The following SGCZ variants were observed in gnomAD, a reference collection of about 807,000 sequenced individuals.
SGCZ encodes the protein zeta-sarcoglycan.
SGCZ carries 40 observed loss-of-function variants against 41.3 expected under a neutral mutation model. The observed-to-expected ratio is 0.97, with a 90% CI of 0.75 to 1.26. The LOEUF is 1.26. SGCZ is among the 50% of genes most tolerant of loss of function. SGCZ has a pLI of 0.00. For missense variants in SGCZ, 552 were observed against 369.8 expected, an observed-to-expected ratio of 1.49 and a Z score of -4.04; for synonymous variants, 206 against 137.5, an observed-to-expected ratio of 1.50 and a Z score of -3.49.
intron 5 of SGCZ, among the ~76,000 whole-genome samples, chr8:14,135,932 T>A (rs532996711): frequency 6.6e-6 from 1 of 152,148 alleles, no homozygotes; most frequent in African/African-American, 2.4e-5. Context: ...ATTTTACATA[T>A]CTTACAAAAA....
At chr8:14,160,734 C>G (rs1255888395) in intron 5 of SGCZ, among the ~76,000 whole-genome samples, 1 of 152,112 alleles carries the variant, frequency 6.6e-6, no homozygotes, top group African/African-American at 2.4e-5. Flanking sequence ...TCTGTGTCCT[C>G]ACACCCATGA....
intron 1 of SGCZ, among the ~76,000 whole-genome samples, chr8:14,766,930 GCA>G (rs1800054947): frequency 6.6e-6 from 1 of 151,904 alleles, no homozygotes; most frequent in Non-Finnish European, 1.5e-5. Flanking sequence ...TAATATCAAA[GCA>G]AGATGTACAG....
chr8:15,108,556 A>G (rs1806923519), intron 1 of SGCZ, among the ~76,000 whole-genome samples: 1 of 152,210 alleles, frequency 6.6e-6, no homozygotes, highest in African/African-American at 2.4e-5. Flanking sequence ...TGGGTAAGAA[A>G]GGGTTTTCAA....
At chr8:14,726,780 T>C (rs1473922464) in intron 1 of SGCZ, among the ~76,000 whole-genome samples, 1 of 151,960 alleles carries the variant, frequency 6.6e-6, no homozygotes, top group African/African-American at 2.4e-5. Flanking sequence ...AATTCAGATA[T>C]AAACAATAAA....
At chr8:14,403,632 AATTT>A (rs1210575455) in intron 2 of SGCZ, among the ~76,000 whole-genome samples, 1 of 152,152 alleles carries the variant, frequency 6.6e-6, no homozygotes, top group Non-Finnish European at 1.5e-5. Context: ...CATCAATCAC[AATTT>A]ATTTATTTTA....
chr8:14,461,284 T>A (rs1800894976), intron 2 of SGCZ, among the ~76,000 whole-genome samples: 1 of 152,146 alleles, frequency 6.6e-6, no homozygotes, highest in South Asian at 2.1e-4. Context: ...CTGAAATGGC[T>A]TCTATTCAGA....
rs77244115 is a variant in SGCZ, at chr8:14,374,987, C to T, written c.235-50783G>A. On this transcript the variant is annotated intron_variant, in intron 2 of 7. Transcript: ENST00000382080. Reference sequence around the variant, plus strand: ...GATTATGTAAGGTTTCAGGTTTTGGCAATGGGACAAGTTCTAGGTATGACT... The same window carrying T: ...GATTATGTAAGGTTTCAGGTTTTGGTAATGGGACAAGTTCTAGGTATGACT... Among the ~76,000 whole-genome samples, 224 of 152,156 alleles carry T rather than the reference C, an allele frequency of 1.5e-3. 2 individuals carry two copies. The highest frequency in any genetic ancestry group is 5.3e-3 in the African/African-American group (218 of 41,498).
intron 1 of SGCZ, among the ~76,000 whole-genome samples, chr8:14,719,311 C>T (rs1489159579): frequency 1.3e-5 from 2 of 150,064 alleles, no homozygotes; most frequent in East Asian, 2.0e-4. Flanking sequence ...CCACAATAAA[C>T]ATACGTGTGC....
chr8:15,146,471 C>A (rs1491000759), intron 1 of SGCZ, among the ~76,000 whole-genome samples: 1 of 152,134 alleles, frequency 6.6e-6, no homozygotes, highest in African/African-American at 2.4e-5. Flanking sequence ...AGTCCTTGTT[C>A]TCTAGTGATC....
At chr8:14,179,222 G>A (rs150716864) in intron 4 of SGCZ, among the ~76,000 whole-genome samples, 3 of 152,256 alleles carry the variant, frequency 2.0e-5, no homozygotes, top group Non-Finnish European at 4.4e-5. Context: ...AAGCCAGATG[G>A]CATCTAGAGA....
At chr8:14,576,950 G>C (rs1216533737) in intron 1 of SGCZ, among the ~76,000 whole-genome samples, 2 of 152,178 alleles carry the variant, frequency 1.3e-5, no homozygotes, top group South Asian at 2.1e-4. Flanking sequence ...TTCATTCAAA[G>C]AGTCTTCACC....
intron 2 of SGCZ, among the ~76,000 whole-genome samples, chr8:14,537,715 C>T (rs949570352): frequency 6.6e-6 from 1 of 151,998 alleles, no homozygotes; most frequent in East Asian, 1.9e-4. Flanking sequence ...TCATGCTCAA[C>T]TGTGTCATTG....
chr8:14,807,693 C>T (rs1801589478), intron 1 of SGCZ, among the ~76,000 whole-genome samples: 2 of 151,212 alleles, frequency 1.3e-5, no homozygotes, highest in African/African-American at 4.9e-5. Context: ...CCCCATCAAG[C>T]TACCAATGCC....
At chr8:15,236,470 A>G (rs1266258801) in intron 1 of SGCZ, among the ~76,000 whole-genome samples, 1 of 151,998 alleles carries the variant, frequency 6.6e-6, no homozygotes, top group African/African-American at 2.4e-5. Flanking sequence ...TCACTGATCA[A>G]AGAAGCCAGA....
intron 1 of SGCZ, among the ~76,000 whole-genome samples, chr8:14,561,916 C>T (rs907417495): frequency 6.6e-6 from 1 of 152,080 alleles, no homozygotes; most frequent in Non-Finnish European, 1.5e-5. Flanking sequence ...ATTTTTCTCC[C>T]AAGGTGTGGA....
chr8:14,972,179 A>C (rs1017162798), intron 1 of SGCZ, among the ~76,000 whole-genome samples: 3 of 152,096 alleles, frequency 2.0e-5, no homozygotes, highest in Non-Finnish European at 4.4e-5. Flanking sequence ...AAATTTTTAA[A>C]TTTCATATTA....
intron 1 of SGCZ, among the ~76,000 whole-genome samples, chr8:14,701,400 C>G (rs1273125607): frequency 6.6e-6 from 1 of 151,938 alleles, no homozygotes; most frequent in East Asian, 1.9e-4. Context: ...ACTCTCTTCC[C>G]TCACAACTTT....
chr8:15,023,385 A>G (rs1235806366), intron 1 of SGCZ, among the ~76,000 whole-genome samples: 1 of 152,136 alleles, frequency 6.6e-6, no homozygotes, highest in African/African-American at 2.4e-5. Flanking sequence ...GTTTGCCATC[A>G]AGTGGAAGAC....
At chr8:14,294,304 CACA>C (rs1356007097) in intron 3 of SGCZ, among the ~76,000 whole-genome samples, 1 of 151,762 alleles carries the variant, frequency 6.6e-6, no homozygotes, top group Non-Finnish European at 1.5e-5. Flanking sequence ...TTCTCACCGA[CACA>C]ACATTACTAA....
Sources: gnomAD v4.1 joint callset for allele counts (sites outside exome capture counted in the v4.1 genomes callset) on GRCh38, gnomAD v4.1.1 for gene constraint, MANE v1.5 for transcripts, NCBI Gene and HGNC (gene_info 2026-07-23, HGNC 2026-07-21) for gene names.